ULK4: variants seen among roughly 807,000 people sequenced by gnomAD.
ULK4 encodes inactive serine/threonine-protein kinase ULK4.
ULK4 carries 133 observed loss-of-function variants against 160.6 expected under a neutral mutation model. That is an observed-to-expected ratio of 0.83 (90% CI 0.72 to 0.96). The LOEUF (loss-of-function observed/expected upper bound fraction) is 0.96, where lower values mean the gene tolerates loss of function less well. ULK4 is among the 40% of genes least tolerant of loss of function. ULK4 has a pLI of 0.00. For synonymous variants in ULK4, 534 were observed against 539.8 expected, an observed-to-expected ratio of 0.99 and a Z score of 0.15; for missense variants, 1,580 against 1,499.5, an observed-to-expected ratio of 1.05 and a Z score of -0.89.
chr3:41,327,830 G>A (rs954243339), intron 35 of ULK4, among the ~76,000 whole-genome samples: 6 of 152,182 alleles, frequency 3.9e-5, no homozygotes, highest in Non-Finnish European at 2.9e-5. Flanking sequence ...CAGAACATAA[G>A]AGGAACCTTT....
intron 25 of ULK4, 23 bp from the exon 26 acceptor site, chr3:41,705,328 T>C (rs745534313): frequency 1.3e-6 from 2 of 1,565,036 alleles, no homozygotes; most frequent in Non-Finnish European, 1.7e-6. Flanking sequence ...AAATTTTTAA[T>C]AAATAGAGTT....
At chr3:41,762,574 T>C (rs566156362) in intron 21 of ULK4, among the ~76,000 whole-genome samples, 18 of 150,730 alleles carry the variant, frequency 1.2e-4, no homozygotes, top group Non-Finnish European at 2.5e-4. Flanking sequence ...AAACTTAGAG[T>C]CATGGTAGAA....
chr3:41,285,507 GTA>G, intron 35 of ULK4, among the ~76,000 whole-genome samples: 1 of 152,252 alleles, frequency 6.6e-6, no homozygotes, highest in East Asian at 1.9e-4. Context: ...ACCAAACATT[GTA>G]TATTCTCACC....
intron 35 of ULK4, among the ~76,000 whole-genome samples, chr3:41,265,470 A>G (rs2079014989): frequency 6.6e-6 from 1 of 152,224 alleles, no homozygotes; most frequent in Admixed American, 6.5e-5. Context: ...GGGGCCGCCA[A>G]AATTCCTTCA....
intron 22 of ULK4, among the ~76,000 whole-genome samples, chr3:41,736,158 G>C (rs1438424602): frequency 6.6e-6 from 1 of 151,616 alleles, no homozygotes; most frequent in East Asian, 1.9e-4. Flanking sequence ...ACATACGTGT[G>C]CATGTGTCTT....
rs1272190272 is a variant in ULK4, at chr3:41,882,218, A to G, written c.1656+1656T>C. On this transcript the variant is annotated intron_variant, in intron 17 of 36. Transcript: ENST00000301831. ...TCTATACATACACAAGGCACTGTCT[A>G]GGCACTGGAGTGGAGTGTTGAACAA... is the stretch of plus-strand genomic sequence containing the variant. 11 of 702,914 alleles carry G rather than the reference A, an allele frequency of 1.6e-5. No individual in the cohort carries two copies. In the East Asian group the frequency reaches 2.9e-4, roughly 19 times the overall value. The allele number at this position is 702,914 out of a possible 1,614,324, so 43.5% of individuals were successfully genotyped here.
chr3:41,740,543 C>G (rs2038206959), intron 22 of ULK4, among the ~76,000 whole-genome samples: 1 of 151,906 alleles, frequency 6.6e-6, no homozygotes, highest in Non-Finnish European at 1.5e-5. Context: ...TCATTTTTAT[C>G]TGATCTTGAC....
At chr3:41,665,713 A>T (rs142052900) in intron 29 of ULK4, among the ~76,000 whole-genome samples, 3,012 of 152,282 alleles carry the variant, frequency 0.02, 87 homozygotes, top group African/African-American at 0.067. Context: ...ATCTTTAGGG[A>T]TAATAAAAAT....
intron 5 of ULK4, among the ~76,000 whole-genome samples, chr3:41,928,142 G>C (rs1040328381): frequency 1.3e-5 from 2 of 150,392 alleles, no homozygotes; most frequent in South Asian, 2.1e-4. Flanking sequence ...AATGGAAATC[G>C]TAACAGTCTC....
intron 30 of ULK4, among the ~76,000 whole-genome samples, chr3:41,629,221 C>T (rs1292048756): frequency 6.6e-6 from 1 of 152,120 alleles, no homozygotes; most frequent in Non-Finnish European, 1.5e-5. Flanking sequence ...GCGGCCTCAG[C>T]TGGGAAGACA....
At chr3:41,601,556 T>C (rs187666960) in intron 31 of ULK4, among the ~76,000 whole-genome samples, 1 of 152,104 alleles carries the variant, frequency 6.6e-6, no homozygotes, top group Non-Finnish European at 1.5e-5. Flanking sequence ...TAGAGAAATC[T>C]GAAAAACCTC....
chr3:41,809,567 A>T (rs1172000388), intron 19 of ULK4, among the ~76,000 whole-genome samples: 1 of 152,216 alleles, frequency 6.6e-6, no homozygotes, highest in Non-Finnish European at 1.5e-5. Context: ...AAATATAGAT[A>T]ATCAGTTTCC....
intron 21 of ULK4, among the ~76,000 whole-genome samples, chr3:41,771,638 T>G (rs2039381725): frequency 6.6e-6 from 1 of 152,076 alleles, no homozygotes; most frequent in Non-Finnish European, 1.5e-5. Flanking sequence ...ACCCATGTGG[T>G]AGGAAGACCA....
chr3:41,551,817 A>T (rs988209058), intron 32 of ULK4, among the ~76,000 whole-genome samples: 1 of 151,982 alleles, frequency 6.6e-6, no homozygotes. Context: ...CTACAAAAAA[A>T]CCCTACAGGC....
intron 35 of ULK4, among the ~76,000 whole-genome samples, chr3:41,281,194 C>T (rs542562949): frequency 5.9e-5 from 9 of 152,198 alleles, no homozygotes; most frequent in East Asian, 3.9e-4. Flanking sequence ...CAGGACCAGA[C>T]GGATTCATAC....
At chr3:41,568,855 C>T (rs1338529781) in intron 31 of ULK4, among the ~76,000 whole-genome samples, 1 of 152,188 alleles carries the variant, frequency 6.6e-6, no homozygotes, top group African/African-American at 2.4e-5. Flanking sequence ...CACAAGGCTA[C>T]ACCCTCCTTC....
intron 21 of ULK4, among the ~76,000 whole-genome samples, chr3:41,758,416 G>C (rs1559531432): frequency 6.6e-6 from 1 of 152,032 alleles, no homozygotes; most frequent in Non-Finnish European, 1.5e-5. Context: ...ACATCAAAAA[G>C]GTCCAAGTCA....
intron 22 of ULK4, among the ~76,000 whole-genome samples, chr3:41,749,437 C>T (rs2038540297): frequency 6.7e-6 from 1 of 150,338 alleles, no homozygotes; most frequent in Non-Finnish European, 1.5e-5. Flanking sequence ...GAGCCGAGAT[C>T]ACACCACTGC....
At chr3:41,534,521 A>AAG (rs2086427356) in intron 32 of ULK4, among the ~76,000 whole-genome samples, 2 of 151,646 alleles carry the variant, frequency 1.3e-5, no homozygotes, top group South Asian at 2.1e-4. Context: ...TTAAGCAAAA[A>AAG]AAAAAAAAAC....
Sources: gnomAD v4.1 joint callset for allele counts (sites outside exome capture counted in the v4.1 genomes callset) on GRCh38, gnomAD v4.1.1 for gene constraint, MANE v1.5 for transcripts, NCBI Gene and HGNC (gene_info 2026-07-23, HGNC 2026-07-21) for gene names.